ABCB11: variants seen among roughly 807,000 people sequenced by gnomAD.
The protein encoded by ABCB11 is ATP binding cassette subfamily B member 11.
ABCB11 carries 95 observed loss-of-function variants against 148.0 expected under a neutral mutation model. The ratio of observed to expected loss-of-function variants is 0.64; its 90% CI spans 0.54 to 0.76. ABCB11 has a LOEUF of 0.76. Among genes scored for constraint, ABCB11 ranks in the 30% least tolerant of loss-of-function variants. The probability of loss-of-function intolerance (pLI) is 0.00; values close to 1 mark genes in which losing one functional copy is unlikely to be tolerated. For synonymous variants in ABCB11, 591 were observed against 555.4 expected (o/e 1.06, Z -0.90); for missense variants, 1,523 against 1,617.8 (o/e 0.94, Z 1.01).
At chr2:168,969,896 C>A in intron 15 of ABCB11, 149 bp downstream of exon 15, 1 of 783,478 alleles carries the variant, frequency 1.3e-6, no homozygotes, top group South Asian at 1.9e-5. Flanking sequence ...TTGTAGTCAG[C>A]TAATATTTTC....
intron 5 of ABCB11, among the ~76,000 whole-genome samples, chr2:169,010,053 T>C (rs1385578379): frequency 6.6e-6 from 1 of 152,144 alleles, no homozygotes; most frequent in Non-Finnish European, 1.5e-5. Context: ...GCAGTAGTAA[T>C]CAGCCTCCAA....
At chr2:169,017,858 C>T (rs1695411681) in intron 2 of ABCB11, 192 bp downstream of exon 2, 1 of 754,510 alleles carries the variant, frequency 1.3e-6, no homozygotes, top group Non-Finnish European at 2.4e-6. Context: ...TGTGTTCTTA[C>T]CTAGTGCTTT....
At position 168,944,749 on chromosome 2, in the gene ABCB11, T is replaced by C; in HGVS notation, c.2466A>G (p.Lys822=). 6.2e-7 allele frequency: 1 copy of C among 1,612,502 alleles called. No individual in the cohort carries two copies. The highest frequency in any genetic ancestry group is 8.5e-7 in the Non-Finnish European group (1 of 1,179,050). ...GCCTTTTTGTTAGGAGCTCCCCAGA[T>C]TTAGCAAAGGCATATCCCTAAAACA... The part of the protein sequence containing the change: ...TQFLQGYAFA[K]SGELLTKRLR... The change falls in exon 21 of 28, where the codon AAA becomes AAG. Residue 822 remains lysine (K), a synonymous_variant. Transcript: ENST00000650372.
intron 19 of ABCB11, among the ~76,000 whole-genome samples, chr2:168,951,091 T>A (rs1336688149): frequency 2.0e-5 from 3 of 151,752 alleles, no homozygotes; most frequent in Admixed American, 2.0e-4. Context: ...GTTTTAGGTA[T>A]GTGGCTTTGT....
At chr2:168,977,211 G>A (rs905220351) in intron 11 of ABCB11, among the ~76,000 whole-genome samples, 3 of 150,928 alleles carry the variant, frequency 2.0e-5, no homozygotes, top group Non-Finnish European at 4.4e-5. Context: ...AATGTACTAG[G>A]TGTTTTTATA....
At chr2:169,013,026 G>A (rs1695236630) in intron 5 of ABCB11, among the ~76,000 whole-genome samples, 1 of 152,106 alleles carries the variant, frequency 6.6e-6, no homozygotes, top group African/African-American at 2.4e-5. Context: ...CAATAAAGTG[G>A]TAACATTTTG....
intron 5 of ABCB11, among the ~76,000 whole-genome samples, chr2:169,004,525 T>C (rs898751727): frequency 3.9e-5 from 6 of 152,160 alleles, no homozygotes; most frequent in African/African-American, 1.4e-4. Flanking sequence ...GTTGTGGTTG[T>C]TTTTTTATTT....
At chr2:168,930,627 G>T (rs373226303) in intron 25 of ABCB11, 38 bp downstream of exon 25, 1 of 1,455,000 alleles carries the variant, frequency 6.9e-7, no homozygotes, top group Admixed American at 2.3e-5. Context: ...GAAATACTCT[G>T]CAGAAGGCAA....
At chr2:169,015,259 C>G (rs1695318245) in intron 3 of ABCB11, among the ~76,000 whole-genome samples, 1 of 152,144 alleles carries the variant, frequency 6.6e-6, no homozygotes, top group Non-Finnish European at 1.5e-5. Flanking sequence ...GCTGTTTGCC[C>G]TCTTCTCCTT....
intron 19 of ABCB11, among the ~76,000 whole-genome samples, chr2:168,948,253 T>G (rs965729021): frequency 6.6e-6 from 1 of 151,804 alleles, no homozygotes; most frequent in Non-Finnish European, 1.5e-5. Flanking sequence ...TTTGGATTTC[T>G]TTTAAAAAGC....
chr2:168,942,519 TAGAA>T (rs1692113235), intron 21 of ABCB11, among the ~76,000 whole-genome samples: 1 of 144,028 alleles, frequency 6.9e-6, no homozygotes, highest in Non-Finnish European at 1.5e-5. Context: ...AAAAAAAAAA[TAGAA>T]AGAATTAATA....
chr2:168,969,377 G>C lies in ABCB11; in HGVS notation c.1984C>G (p.Gln662Glu), dbSNP rs1252769722. The C allele has an allele frequency of 6.2e-7, 1 of 1,612,322 alleles. No homozygotes were observed. The highest frequency in any genetic ancestry group is 8.5e-7 in the Non-Finnish European group (1 of 1,179,084). ...TTTATGTCCTCTTCATTAAGAGCTT[G>C]ATTTCCCTGGCTTTGCAAAGTCACT... The part of the protein sequence containing the change: ...TLVTLQSQGN[Q>E]ALNEEDIKDA... The change falls in exon 16 of 28, where the codon CAA (glutamine) becomes GAA (glutamate). Residue 662 changes from glutamine (Q) to glutamate (E), a missense_variant. Gln to Glu is a conservative substitution (Grantham distance 29, BLOSUM62 2). Transcript: ENST00000650372.
rs532896738 is a variant in ABCB11 at position 168,977,134 on chromosome 2, T to C, written c.1198-447A>G. Among the ~76,000 whole-genome samples the C allele has an allele frequency of 9.4e-5, 14 of 148,646 alleles. 1 individual carries two copies. The South Asian group carries it at 2.9e-3, about 31-fold the overall frequency. On this transcript the variant is annotated intron_variant, in intron 11 of 27. Coordinates refer to ENST00000650372, the MANE Select transcript of ABCB11 (RefSeq NM_003742.4). The stretch of plus-strand genomic sequence containing the variant: ...TATAATACATATGTTGTATTAATAT[T>C]ATAAATGTATAACATATGTTAACAA...
At chr2:169,027,314 C>T (rs1695730662) in intron 1 of ABCB11, among the ~76,000 whole-genome samples, 1 of 152,108 alleles carries the variant, frequency 6.6e-6, no homozygotes, top group African/African-American at 2.4e-5. Context: ...TCATAGAATC[C>T]CCCAAGAATT....
chr2:169,018,910 G>A (rs1428571453), intron 1 of ABCB11, among the ~76,000 whole-genome samples: 3 of 152,192 alleles, frequency 2.0e-5, no homozygotes, highest in African/African-American at 7.2e-5. Context: ...TGGCAGAGAA[G>A]TACCGAAGAG....
chr2:168,986,333 TATA>T (rs751460254), intron 9 of ABCB11, 49 bp from the exon 10 acceptor site: 2 of 1,517,658 alleles, frequency 1.3e-6, no homozygotes, highest in African/African-American at 2.8e-5. Flanking sequence ...CAGCTCAAGT[TATA>T]ATGTTTAAAA....
intron 4 of ABCB11, 87 bp downstream of exon 4, chr2:169,014,216 A>G (rs1573979811): frequency 6.0e-6 from 8 of 1,339,300 alleles, no homozygotes; most frequent in Non-Finnish European, 8.6e-6. Flanking sequence ...AAACCTGCCA[A>G]TATGACTAAA....
rs929482399 is a variant in ABCB11, at chr2:168,930,848, C to T, written c.3228G>A (p.Gly1076=). The part of the protein sequence containing the change: ...TAGEKWDNFQ[G]KIDFVDCKFT... ...ATTTACAATCAACAAAATCAATCTT[C>T]CCCTGGAAGTTGTCCTGTGGATGGG... is the stretch of plus-strand genomic sequence containing the variant. The change falls in exon 25 of 28, where the codon GGG becomes GGA. Residue 1076 remains glycine (G), a synonymous_variant. Transcript: ENST00000650372. The T allele has an allele frequency of 6.2e-7, 1 of 1,600,492 alleles. No homozygotes were observed. Among genetic ancestry groups the T allele is most frequent in the Non-Finnish European group, 8.5e-7 (1 of 1,173,684 alleles).
intron 25 of ABCB11, among the ~76,000 whole-genome samples, chr2:168,929,248 C>T (rs767611933): frequency 1.3e-4 from 20 of 151,964 alleles, no homozygotes; most frequent in African/African-American, 2.4e-4. Context: ...ATGGGAACTA[C>T]GAAATAATGG....
Sources: gnomAD v4.1 joint callset for allele counts (sites outside exome capture counted in the v4.1 genomes callset) on GRCh38, gnomAD v4.1.1 for gene constraint, MANE v1.5 for transcripts, NCBI Gene and HGNC (gene_info 2026-07-23, HGNC 2026-07-21) for gene names.